The following PTPRD variants were observed in gnomAD, a reference collection of about 807,000 sequenced individuals.
PTPRD encodes receptor-type tyrosine-protein phosphatase delta.
PTPRD carries 34 observed loss-of-function variants against 214.5 expected under a neutral mutation model. The ratio of observed to expected loss-of-function variants is 0.16; its 90% CI spans 0.12 to 0.21. The LOEUF (loss-of-function observed/expected upper bound fraction) is 0.21, where lower values mean the gene tolerates loss of function less well. Among genes scored for constraint, PTPRD ranks in the 10% least tolerant of loss-of-function variants. The pLI is 1.00. For missense variants in PTPRD, 2,545 were observed against 2,398.7 expected, an observed-to-expected ratio of 1.06 and a Z score of -1.27; for synonymous variants, 1,128 against 845.7, an observed-to-expected ratio of 1.33 and a Z score of -5.79.
chr9:10,057,400 A>G (rs1191979297), intron 3 of PTPRD, among the ~76,000 whole-genome samples: 1 of 152,174 alleles, frequency 6.6e-6, no homozygotes, highest in Non-Finnish European at 1.5e-5. Flanking sequence ...AGAAGCCCAG[A>G]GTTTAACAGC....
rs1282939914 is a variant in PTPRD, at chr9:8,858,836, C to T, written c.-103-124890G>A. 1.6e-3 allele frequency among the ~76,000 whole-genome samples: 212 copies of T among 134,712 alleles called. No individual in the cohort carries two copies. The South Asian group carries it at 0.019, about 12-fold the overall frequency. The allele number at this position is 134,712 out of a possible 152,430, so 88.4% of individuals were successfully genotyped here. Reference sequence around the variant, plus strand: ...ACACACACACACACACACATACACACACACAGACACACAGACACACACACA... The same window carrying T: ...ACACACACACACACACACATACACATACACAGACACACAGACACACACACA... On this transcript the variant is annotated intron_variant, in intron 11 of 45. Coordinates refer to ENST00000381196, the MANE Select transcript of PTPRD (RefSeq NM_002839.4).
At chr9:9,265,206 G>T (rs985985444) in intron 9 of PTPRD, among the ~76,000 whole-genome samples, 4 of 151,542 alleles carry the variant, frequency 2.6e-5, no homozygotes, top group Non-Finnish European at 5.9e-5. Context: ...CAAAAATATT[G>T]AAAATAAATA....
In PTPRD at chr9:9,543,620, A is replaced by G. The variant is rs139425311; in HGVS notation, c.-237+31112T>C. ...AGGTACAAATAACTTGCTGAGAATT[A>G]TGCAAATCTCAGAGCCCATTTTATG... On this transcript the variant is annotated intron_variant, in intron 8 of 45. Transcript: ENST00000381196. Among the ~76,000 whole-genome samples the G allele has an allele frequency of 3.1e-4, 47 of 151,734 alleles. 1 individual carries two copies. Among genetic ancestry groups the G allele is most frequent in the African/African-American group, 1.1e-3 (45 of 41,522 alleles).
intron 2 of PTPRD, among the ~76,000 whole-genome samples, chr9:10,427,085 CTAAT>C (rs968534805): frequency 4.7e-4 from 71 of 152,090 alleles, no homozygotes; most frequent in African/African-American, 1.5e-3. Context: ...ATTAATTACA[CTAAT>C]ATGTATCACT....
chr9:10,043,303 G>T (rs2154144475), intron 3 of PTPRD, among the ~76,000 whole-genome samples: 1 of 151,974 alleles, frequency 6.6e-6, no homozygotes, highest in South Asian at 2.1e-4. Context: ...GGTTTGAAAG[G>T]TAGCATATCC....
intron 14 of PTPRD, 112 bp downstream of exon 14, chr9:8,633,205 A>ACTGAGTTTCCCATTTAAG: frequency 7.5e-7 from 1 of 1,338,338 alleles, no homozygotes; most frequent in Non-Finnish European, 1.0e-6. Context: ...CAAACATTTA[A>ACTGAGTTTCCCATTTAAG]CTGAGTTTCC....
intron 11 of PTPRD, among the ~76,000 whole-genome samples, chr9:9,016,760 C>A (rs1049334980): frequency 6.6e-6 from 1 of 152,078 alleles, no homozygotes; most frequent in South Asian, 2.1e-4. Context: ...GAGCTAGAAC[C>A]CAAGACTCCC....
At chr9:10,304,499 A>G (rs1291974895) in intron 3 of PTPRD, among the ~76,000 whole-genome samples, 1 of 152,182 alleles carries the variant, frequency 6.6e-6, no homozygotes, top group Non-Finnish European at 1.5e-5. Context: ...ACATGATTGT[A>G]TATTTAGGAA....
chr9:10,589,882 C>T (rs1043016587), intron 2 of PTPRD, among the ~76,000 whole-genome samples: 2 of 152,046 alleles, frequency 1.3e-5, no homozygotes, highest in African/African-American at 4.8e-5. Flanking sequence ...GCATGTTTTA[C>T]AGAAGGCTAA....
intron 5 of PTPRD, among the ~76,000 whole-genome samples, chr9:9,776,173 A>G (rs577405583): frequency 6.6e-6 from 1 of 152,178 alleles, no homozygotes; most frequent in South Asian, 2.1e-4. Context: ...TCCACTGAAT[A>G]TGTATGTTCT....
chr9:9,150,281 C>G (rs2099875554), intron 10 of PTPRD, among the ~76,000 whole-genome samples: 1 of 151,860 alleles, frequency 6.6e-6, no homozygotes, highest in Non-Finnish European at 1.5e-5. Context: ...CCAAAAGTCT[C>G]AATATAAATG....
At chr9:8,448,934 C>T (rs992658519) in intron 34 of PTPRD, among the ~76,000 whole-genome samples, 2 of 152,172 alleles carry the variant, frequency 1.3e-5, no homozygotes, top group African/African-American at 4.8e-5. Flanking sequence ...ATTATCATAA[C>T]ATATTAAGAT....
At chr9:9,642,964 A>G (rs189235278) in intron 7 of PTPRD, among the ~76,000 whole-genome samples, 23 of 152,310 alleles carry the variant, frequency 1.5e-4, no homozygotes, top group Non-Finnish European at 3.1e-4. Context: ...AATACCTTCA[A>G]CTGTCTTTAA....
At chr9:10,321,602 C>A (rs1053199445) in intron 3 of PTPRD, among the ~76,000 whole-genome samples, 2 of 150,436 alleles carry the variant, frequency 1.3e-5, no homozygotes, top group East Asian at 3.9e-4. Context: ...GTTTTAAAAG[C>A]GGGGGTGGAA....
rs1418143034 is a variant in PTPRD, at chr9:9,647,633, G to C, written c.-286-72852C>G. Among the ~76,000 whole-genome samples, 5 of 152,150 alleles carry C rather than the reference G, an allele frequency of 3.3e-5. No individual in the cohort carries two copies. In the East Asian group the frequency reaches 9.6e-4, roughly 29 times the overall value. On this transcript the variant is annotated intron_variant, in intron 7 of 45. Transcript: ENST00000381196. ...GGTCATAAATTCTCAGGGGAAGCCT[G>C]TTTTCCCTTTGACTCAGTGCCAAGG...
At chr9:8,856,741 G>A (rs1352988838) in intron 11 of PTPRD, among the ~76,000 whole-genome samples, 1 of 152,186 alleles carries the variant, frequency 6.6e-6, no homozygotes, top group African/African-American at 2.4e-5. Context: ...TGGTTTTGGA[G>A]AATGGAACTA....
chr9:8,863,975 T>C (rs2098151295), intron 11 of PTPRD, among the ~76,000 whole-genome samples: 1 of 152,120 alleles, frequency 6.6e-6, no homozygotes, highest in African/African-American at 2.4e-5. Flanking sequence ...CAGAAAAAGA[T>C]TAAGAAGTCA....
chr9:10,364,087 C>G (rs113985662), intron 2 of PTPRD, among the ~76,000 whole-genome samples: 5 of 144,878 alleles, frequency 3.5e-5, no homozygotes, highest in East Asian at 2.3e-4. Flanking sequence ...ACAAGCTCCC[C>G]CTCCCGGGTT....
chr9:8,929,695 A>G (rs1237720475), intron 11 of PTPRD, among the ~76,000 whole-genome samples: 4 of 109,230 alleles, frequency 3.7e-5, no homozygotes, highest in Non-Finnish European at 9.0e-5. Flanking sequence ...ATATGTGTAT[A>G]TATATATGTG....
Sources: allele counts gnomAD v4.1 joint callset (sites outside exome capture counted in the v4.1 genomes callset), GRCh38; gene constraint gnomAD v4.1.1; transcripts MANE v1.5; gene names NCBI Gene and HGNC (gene_info 2026-07-23, HGNC 2026-07-21).